The following MARK3 variants were observed in gnomAD, a reference collection of about 807,000 sequenced individuals.
MARK3 encodes the protein microtubule affinity regulating kinase 3.
Under a neutral mutation model 90.1 loss-of-function variants are expected in MARK3, and 46 were observed. That is an observed-to-expected ratio of 0.51 (90% CI 0.40 to 0.65). The LOEUF is 0.65. Among genes scored for constraint, MARK3 ranks in the 30% least tolerant of loss-of-function variants. The pLI, the probability that MARK3 is intolerant of heterozygous loss-of-function variation, is 0.00. For synonymous variants in MARK3, 321 were observed against 332.6 expected, an observed-to-expected ratio of 0.97 and a Z score of 0.38; for missense variants, 818 against 947.2, an observed-to-expected ratio of 0.86 and a Z score of 1.79.
intron 1 of MARK3, among the ~76,000 whole-genome samples, chr14:103,391,209 C>T (rs1189524710): frequency 6.6e-6 from 1 of 152,132 alleles, no homozygotes; most frequent in Admixed American, 6.6e-5. Context: ...CGTAGGACAG[C>T]CTTCCACAGC....
At chr14:103,499,116 G>A (rs1486352389) in intron 16 of MARK3, 13 of 152,244 alleles carry the variant, frequency 8.5e-5, no homozygotes, top group Admixed American at 3.3e-4. Flanking sequence ...AGCAACCACT[G>A]AAGAAAGAGT....
chr14:103,502,102 G>T (rs1043321271), intron 17 of MARK3, among the ~76,000 whole-genome samples: 1 of 152,202 alleles, frequency 6.6e-6, no homozygotes, highest in African/African-American at 2.4e-5. Flanking sequence ...GGAGTGGCTG[G>T]TAAACCGCGG....
At chr14:103,430,437 C>G in intron 3 of MARK3, among the ~76,000 whole-genome samples, 1 of 151,108 alleles carries the variant, frequency 6.6e-6, no homozygotes, top group African/African-American at 2.4e-5. Flanking sequence ...TGTCAGCCCC[C>G]TTTGCAGTCA....
At position 103,503,461 on chromosome 14, in the gene MARK3, G is replaced by A. The variant is rs2075777645; in HGVS notation, c.*234G>A. 7 of 543,004 alleles carry A rather than the reference G, an allele frequency of 1.3e-5. 1 individual carries two copies. The highest frequency in any genetic ancestry group is 2.3e-5 in the Non-Finnish European group (7 of 306,636). 33.6% of individuals were successfully genotyped at this position (543,004 alleles called of 1,614,324 possible). The stretch of plus-strand genomic sequence containing the variant: ...CCTACTTCCGTTACCCTGAGAGTCG[G>A]TGTGTGGCCCCATCTCCATGTGCCT... On this transcript the variant is annotated 3_prime_UTR_variant, in exon 18 of 18. Coordinates refer to ENST00000429436, the MANE Select transcript of MARK3 (RefSeq NM_001128918.3).
At chr14:103,388,789 C>T (rs1403425441) in intron 1 of MARK3, among the ~76,000 whole-genome samples, 1 of 152,050 alleles carries the variant, frequency 6.6e-6, no homozygotes, top group African/African-American at 2.4e-5. Context: ...TCTTTTGTGT[C>T]TTCTTTCACT....
At chr14:103,470,406 G>C (rs551049483) in intron 12 of MARK3, among the ~76,000 whole-genome samples, 8 of 145,736 alleles carry the variant, frequency 5.5e-5, no homozygotes, top group Admixed American at 1.4e-4. Context: ...TGTTAACATT[G>C]CAGATATTTC....
intron 17 of MARK3, among the ~76,000 whole-genome samples, chr14:103,501,233 C>T (rs2075645932): frequency 6.6e-6 from 1 of 152,244 alleles, no homozygotes; most frequent in East Asian, 1.9e-4. Context: ...CTCTGCTGCC[C>T]CATCAAGGCA....
At chr14:103,483,791 A>T (rs1207679745) in intron 14 of MARK3, among the ~76,000 whole-genome samples, 1 of 152,178 alleles carries the variant, frequency 6.6e-6, no homozygotes, top group African/African-American at 2.4e-5. Context: ...GGCGTGACTA[A>T]TGGTTGGTGT....
At position 103,386,023 on chromosome 14, in the gene MARK3, C is replaced by T; in HGVS notation, c.-7C>T. On this transcript the variant is annotated 5_prime_UTR_variant, in exon 1 of 18. Transcript: ENST00000429436. ...CCTCGCATTGTGCAGAATTAAAGTGCAGTAAAATGTCCACTAGGACCCCAT... is the reference window on the plus strand; with the variant it reads ...CCTCGCATTGTGCAGAATTAAAGTGTAGTAAAATGTCCACTAGGACCCCAT... 1 of 1,611,988 alleles carries T rather than the reference C, an allele frequency of 6.2e-7. No individual in the cohort carries two copies. The highest frequency in any genetic ancestry group is 8.5e-7 in the Non-Finnish European group (1 of 1,177,996).
At chr14:103,390,031 G>T (rs1045771371) in intron 1 of MARK3, among the ~76,000 whole-genome samples, 3 of 150,082 alleles carry the variant, frequency 2.0e-5, no homozygotes, top group Non-Finnish European at 4.4e-5. Context: ...GGCAGATCAC[G>T]AGGTCAGGAG....
intron 11 of MARK3, 65 bp downstream of exon 11, chr14:103,467,256 C>A (rs1479086052): frequency 2.7e-6 from 2 of 733,446 alleles, no homozygotes; most frequent in African/African-American, 1.8e-5. Context: ...AAACTGTTTT[C>A]TTAGTTTTTA....
At position 103,492,167 on chromosome 14, in the gene MARK3, A is replaced by G. The variant is rs372175525; in HGVS notation, c.1844+133A>G. On this transcript the variant is annotated intron_variant, in intron 15 of 17. Coordinates refer to ENST00000429436, the MANE Select transcript of MARK3 (RefSeq NM_001128918.3). ...TCAGCTCATGGTTTTCTGGTTTTAT[A>G]TATATCTAACTTTATACTTTAAAAC... 6.1e-6 allele frequency: 6 copies of G among 981,202 alleles called. No homozygotes were observed. The East Asian group carries it at 7.9e-5, about 13-fold the overall frequency. 60.8% of individuals were successfully genotyped at this position (981,202 alleles called of 1,614,324 possible).
At position 103,403,800 on chromosome 14, in the gene MARK3, C is replaced by T. The variant is rs1376135003; in HGVS notation, c.52-1276C>T. Among the ~76,000 whole-genome samples the T allele has an allele frequency of 2.0e-5, 3 of 152,236 alleles. No individual in the cohort carries two copies. In the East Asian group the frequency reaches 5.8e-4, roughly 29 times the overall value. On this transcript the variant is annotated intron_variant, in intron 1 of 17. Transcript: ENST00000429436. ...TCCATATTTATAAATGGTCTATTTT[C>T]CCAAAGTTCTAATATGGAAATCAGA...
At chr14:103,415,500 A>T (rs1313468877) in intron 2 of MARK3, among the ~76,000 whole-genome samples, 1 of 152,178 alleles carries the variant, frequency 6.6e-6, no homozygotes, top group African/African-American at 2.4e-5. Context: ...CATCTATCCC[A>T]TATTTACTAT....
rs1432716536 is a variant in MARK3, at chr14:103,465,718, G to A, written c.702G>A (p.Val234=). ...FQGKKYDGPE[V]DVWSLGVILY... is the part of the protein sequence containing the mutation. ...GCAAGAAATATGACGGGCCAGAAGT[G>A]GATGTGTGGAGTCTGGGGGTCATTT... The change falls in exon 8 of 18, where the codon GTG becomes GTA. Residue 234 remains valine, a synonymous_variant. Transcript: ENST00000429436. 6.2e-7 allele frequency: 1 copy of A among 1,614,106 alleles called. No homozygotes were observed. The highest frequency in any genetic ancestry group is 1.1e-5 in the South Asian group (1 of 91,080).
chr14:103,454,753 A>G (rs1212399520), intron 5 of MARK3, among the ~76,000 whole-genome samples: 1 of 152,216 alleles, frequency 6.6e-6, no homozygotes, highest in Non-Finnish European at 1.5e-5. Context: ...ATTTTAGGGC[A>G]GCGGTCTAAT....
intron 3 of MARK3, among the ~76,000 whole-genome samples, chr14:103,430,637 CTCAT>C (rs1178264248): frequency 6.6e-6 from 1 of 152,144 alleles, no homozygotes. Context: ...GGTGGACTGG[CTCAT>C]TCAGGCAGTA....
chr14:103,482,227 G>A (rs941904420), intron 14 of MARK3, among the ~76,000 whole-genome samples: 12 of 152,032 alleles, frequency 7.9e-5, no homozygotes, highest in African/African-American at 2.9e-4. Context: ...CAGGACTACA[G>A]AAATGTTTCA....
chr14:103,411,828 G>T (rs2091650684), intron 2 of MARK3, among the ~76,000 whole-genome samples: 1 of 151,062 alleles, frequency 6.6e-6, no homozygotes, highest in Non-Finnish European at 1.5e-5. Context: ...TCATCATGTT[G>T]GCCAGGATGG....
Sources: allele counts gnomAD v4.1 joint callset (sites outside exome capture counted in the v4.1 genomes callset), GRCh38; gene constraint gnomAD v4.1.1; transcripts MANE v1.5; gene names NCBI Gene and HGNC (gene_info 2026-07-23, HGNC 2026-07-21).